STARD5: variants seen among roughly 807,000 people sequenced by gnomAD.
STARD5 encodes the protein stAR-related lipid transfer protein 5.
STARD5 carries 26 observed loss-of-function variants against 24.6 expected under a neutral mutation model. The ratio of observed to expected loss-of-function variants is 1.06; its 90% CI spans 0.77 to 1.47. STARD5 has a LOEUF of 1.47. STARD5 is among the 40% of genes most tolerant of loss of function. The pLI, the probability that STARD5 is intolerant of heterozygous loss-of-function variation, is 0.00. For missense variants in STARD5, 254 were observed against 270.8 expected (o/e 0.94, Z 0.44); for synonymous variants, 101 against 99.7 (o/e 1.01, Z -0.07).
chr15:81,313,614 C>T (rs1471820854), intron 5 of STARD5: 1 of 371,928 alleles, frequency 2.7e-6, no homozygotes, highest in Non-Finnish European at 4.7e-6. Flanking sequence ...ATTCCACAGC[C>T]TCTCCCGGCC....
rs1463710693 is a variant in STARD5, at chr15:81,313,133, G to A, written c.*123C>T. Reference sequence around the variant, plus strand: ...TGGTTGGCATTCTCAGAGATGCGCAGTCCATCAGCTTGTTCCAAAGAGTGA... The same window carrying A: ...TGGTTGGCATTCTCAGAGATGCGCAATCCATCAGCTTGTTCCAAAGAGTGA... On this transcript the variant is annotated 3_prime_UTR_variant, in exon 6 of 6. Coordinates refer to ENST00000302824, the MANE Select transcript of STARD5 (RefSeq NM_181900.3). The A allele has an allele frequency of 8.4e-7, 1 of 1,195,548 alleles. No individual in the cohort carries two copies. Among genetic ancestry groups the A allele is most frequent in the Non-Finnish European group, 1.1e-6 (1 of 890,920 alleles). The allele number at this position is 1,195,548 out of a possible 1,614,324, so 74.1% of individuals were successfully genotyped here.
chr15:81,316,011 C>G (rs35374001), intron 5 of STARD5, among the ~76,000 whole-genome samples: 2 of 152,156 alleles, frequency 1.3e-5, no homozygotes, highest in Admixed American at 6.5e-5. Context: ...CCTCATGGGC[C>G]GAATGTCCTA....
Position 81,322,924 on chromosome 15 carries a change from G to A in STARD5, c.124C>T (p.Pro42Ser), listed in dbSNP as rs369640830. The A allele has an allele frequency of 2.2e-5, 35 of 1,613,984 alleles. No homozygotes were observed. The highest frequency in any genetic ancestry group is 2.8e-5 in the Non-Finnish European group (33 of 1,180,040). Residue 42 changes from proline (P) to serine (S), a missense_variant, in exon 2 of 6, where the codon CCA (proline) becomes TCA (serine). Coordinates refer to ENST00000302824, the MANE Select transcript of STARD5 (RefSeq NM_181900.3). ...EGNGVSVSWRPSVEFPGNLYR... is the reference protein window; with the variant it reads ...EGNGVSVSWRSSVEFPGNLYR... Reference sequence around the variant, plus strand: ...AGGTTCCCTGGAAACTCCACAGATGGCCTCCAGGAAACTGAAACTCCATTC... The same window carrying A: ...AGGTTCCCTGGAAACTCCACAGATGACCTCCAGGAAACTGAAACTCCATTC...
chr15:81,322,667 A>C, intron 2 of STARD5, 127 bp from the exon 3 acceptor site: 1 of 1,463,780 alleles, frequency 6.8e-7, no homozygotes, highest in Non-Finnish European at 9.3e-7. Flanking sequence ...CTTGCAGAGA[A>C]GGGGCTGAAA....
At chr15:81,319,173 C>T (rs1251409327) in intron 4 of STARD5, among the ~76,000 whole-genome samples, 166 bp downstream of exon 4, 1 of 152,100 alleles carries the variant, frequency 6.6e-6, no homozygotes, top group South Asian at 2.1e-4. Context: ...GCGTCAGACC[C>T]CCATGGCCCT....
chr15:81,315,862 C>T (rs1901071352), intron 5 of STARD5, among the ~76,000 whole-genome samples: 1 of 152,194 alleles, frequency 6.6e-6, no homozygotes, highest in African/African-American at 2.4e-5. Flanking sequence ...AAGTCCCTGT[C>T]CCCTGGAGTT....
At chr15:81,313,603 C>T (rs551379014) in intron 5 of STARD5, 200 bp from the exon 6 acceptor site, 19 of 400,258 alleles carry the variant, frequency 4.7e-5, no homozygotes, top group African/African-American at 3.3e-4. Flanking sequence ...GTCGGGGATG[C>T]ATTCCACAGC....
At chr15:81,314,936 T>C (rs924884909) in intron 5 of STARD5, among the ~76,000 whole-genome samples, 11 of 137,462 alleles carry the variant, frequency 8.0e-5, no homozygotes, top group Non-Finnish European at 3.1e-5. Flanking sequence ...CTTCAAGTCA[T>C]ACAGAAGGAC....
Position 81,318,609 on chromosome 15 carries a change from C to T in STARD5, c.401-107G>A, listed in dbSNP as rs551179276. The T allele has an allele frequency of 2.3e-5, 22 of 943,950 alleles. No individual in the cohort carries two copies. In the African/African-American group the frequency reaches 3.3e-4, roughly 14 times the overall value. 58.5% of individuals were successfully genotyped at this position (943,950 alleles called of 1,614,324 possible). ...ACCAGACTACCTGCAGCCCTGGAGT[C>T]TGTGAGGGACTCCTGCCTCTTGGCG... On this transcript the variant is annotated intron_variant, in intron 4 of 5. Coordinates refer to ENST00000302824, the MANE Select transcript of STARD5 (RefSeq NM_181900.3).
Position 81,322,293 on chromosome 15 carries a change from C to T in STARD5, c.282+115G>A, listed in dbSNP as rs190522450. 1.3e-5 allele frequency: 18 copies of T among 1,390,244 alleles called. No homozygotes were observed. In the Admixed American group the frequency reaches 2.7e-4, roughly 21 times the overall value. 86.1% of individuals were successfully genotyped at this position (1,390,244 alleles called of 1,614,324 possible). A position where few individuals can be genotyped will look rare whatever the true frequency, so the allele number is the denominator to read the frequency against. ...GCAAGCAGTGGGCAGCCTGTGCTTG[C>T]AGGACACACCCCCTTAACAAAAGGT... On this transcript the variant is annotated intron_variant, in intron 3 of 5. Transcript: ENST00000302824.
chr15:81,318,297 G>T, intron 5 of STARD5, 112 bp downstream of exon 5: 1 of 843,832 alleles, frequency 1.2e-6, no homozygotes, highest in Admixed American at 1.9e-5. Flanking sequence ...AGAGCTATAA[G>T]GCATTTTTCT....
intron 5 of STARD5, 53 bp from the exon 6 acceptor site, chr15:81,313,456 A>G: frequency 1.4e-6 from 2 of 1,444,886 alleles, no homozygotes; most frequent in South Asian, 1.6e-5. Flanking sequence ...GGTGCTGGGG[A>G]CGAGCGCCAG....
exon 1 of STARD5, chr15:81,324,131 GCGGGTGTTATGAGCGGCGGCGCTGGATCC>G: frequency 7.6e-7 from 1 of 1,310,740 alleles, no homozygotes; most frequent in Non-Finnish European, 9.8e-7. Flanking sequence ...CTGCGGGGTC[GCGGGTGTTATGAGCGGCGGCGCTGGATCC>G]CGGGTGCCTG....
At chr15:81,323,888 C>A in intron 1 of STARD5, 113 bp downstream of exon 1, 1 of 1,099,308 alleles carries the variant, frequency 9.1e-7, no homozygotes, top group Non-Finnish European at 1.3e-6. Flanking sequence ...CAATCGGGTC[C>A]AGGGGATTGG....
Position 81,310,791 on chromosome 15 carries a change from A to C in STARD5, c.*2465T>G, listed in dbSNP as rs1900813360. On this transcript the variant is annotated 3_prime_UTR_variant, in exon 6 of 6. Transcript: ENST00000302824. The stretch of plus-strand genomic sequence containing the variant: ...AGACTGGAAGGTGGGGACAGGGATG[A>C]GCATGGAGCTGGCCGTGGGCCTGGG... 1 of 152,272 alleles carries C rather than the reference A, an allele frequency of 6.6e-6. No individual in the cohort carries two copies. Among genetic ancestry groups the C allele is most frequent in the Admixed American group, 6.5e-5 (1 of 15,272 alleles). The allele number at this position is 152,272 out of a possible 1,614,324, so 9.4% of individuals were successfully genotyped here.
intron 1 of STARD5, chr15:81,323,473 G>T (rs1356386212): frequency 9.7e-6 from 4 of 413,838 alleles, no homozygotes; most frequent in Non-Finnish European, 1.8e-5. Context: ...GGTTCATGCT[G>T]TAATGAAAAG....
intron 2 of STARD5, 123 bp from the exon 3 acceptor site, chr15:81,322,663 G>C: frequency 3.3e-6 from 5 of 1,501,460 alleles, no homozygotes; most frequent in Non-Finnish European, 4.5e-6. Context: ...CAGACTTGCA[G>C]AGAAGGGGCT....
intron 3 of STARD5, among the ~76,000 whole-genome samples, chr15:81,321,138 A>G (rs529062280): frequency 2.6e-5 from 4 of 152,334 alleles, no homozygotes; most frequent in African/African-American, 4.8e-5. Flanking sequence ...GCAGTTGTCT[A>G]TTGAAAAGTT....
Position 81,318,520 on chromosome 15 carries a change from A to G in STARD5, c.401-18T>C. 6.2e-7 allele frequency: 1 copy of G among 1,610,092 alleles called. No individual in the cohort carries two copies. The highest frequency in any genetic ancestry group is 2.2e-5 in the East Asian group (1 of 44,788). On this transcript the variant is annotated intron_variant, in intron 4 of 5. Coordinates refer to ENST00000302824, the MANE Select transcript of STARD5 (RefSeq NM_181900.3). The stretch of plus-strand genomic sequence containing the variant: ...ATGGGTGGCTGGAAGACAGTGCAGA[A>G]TCTCGGTGAGTTACAACTTCAGACG...
Sources: gnomAD v4.1 joint callset for allele counts (sites outside exome capture counted in the v4.1 genomes callset) on GRCh38, gnomAD v4.1.1 for gene constraint, MANE v1.5 for transcripts, NCBI Gene and HGNC (gene_info 2026-07-23, HGNC 2026-07-21) for gene names.